The following EXD3 variants were observed in gnomAD, a reference collection of about 807,000 sequenced individuals.
EXD3 encodes exonuclease mut-7 homolog.
EXD3 carries 92 observed loss-of-function variants against 98.0 expected under a neutral mutation model. The observed-to-expected ratio is 0.94, with a 90% CI of 0.79 to 1.12. The LOEUF (loss-of-function observed/expected upper bound fraction) is 1.12. EXD3 is among the 50% of genes most tolerant of loss of function. The probability of loss-of-function intolerance (pLI) is 0.00; values close to 1 mark genes in which losing one functional copy is unlikely to be tolerated. For missense variants in EXD3, 1,222 were observed against 1,191.6 expected, an observed-to-expected ratio of 1.03 and a Z score of -0.38; for synonymous variants, 569 against 526.0, an observed-to-expected ratio of 1.08 and a Z score of -1.12.
rs920791880 is a variant in EXD3, at chr9:137,403,298, C to T, written c.-47-7894G>A. 3.9e-5 allele frequency among the ~76,000 whole-genome samples: 6 copies of T among 151,980 alleles called. No individual in the cohort carries two copies. Among genetic ancestry groups the T allele is most frequent in the Admixed American group, 6.6e-5 (1 of 15,246 alleles). On this transcript the variant is annotated intron_variant, in intron 1 of 21. Transcript: ENST00000340951. This position sits in a 1 kb window ranked among gnomAD's most constrained non-coding sequence, Gnocchi z 6.1. ...GCCCCAGAAGATGCAGACCCGAACG[C>T]GTCTCCTCCCGGCTGGTCTGTCCAG...
Position 137,330,001 on chromosome 9 carries a change from AG to A in EXD3, c.1999-5859del, listed in dbSNP as rs140030888. Among the ~76,000 whole-genome samples the A allele has an allele frequency of 3.2e-4, 20 of 62,772 alleles. 3 individuals are homozygous for A. Among genetic ancestry groups the A allele is most frequent in the African/African-American group, 1.2e-3 (16 of 13,400 alleles). The allele number at this position is 62,772 out of a possible 152,430, so 41.2% of individuals were successfully genotyped here. A position where few individuals can be genotyped will look rare whatever the true frequency, so the allele number is the denominator to read the frequency against. ...ACGGGACTACACAGGACTACACAGGAGCTACACAGGACTACACAGGACTACA... is the reference window on the plus strand; with the variant it reads ...ACGGGACTACACAGGACTACACAGGACTACACAGGACTACACAGGACTACA... On this transcript the variant is annotated intron_variant, in intron 17 of 21. Coordinates refer to ENST00000340951, the MANE Select transcript of EXD3 (RefSeq NM_017820.5).
At chr9:137,370,668 C>T (rs1005833476) in intron 5 of EXD3, among the ~76,000 whole-genome samples, 3 of 151,768 alleles carry the variant, frequency 2.0e-5, no homozygotes, top group South Asian at 2.1e-4. Context: ...GGGCATTCCC[C>T]GGCTCCCCTG....
intron 17 of EXD3, among the ~76,000 whole-genome samples, chr9:137,345,308 T>C (rs924520059): frequency 6.6e-6 from 1 of 152,250 alleles, no homozygotes; most frequent in Non-Finnish European, 1.5e-5. Flanking sequence ...ACTCAAGGTA[T>C]AATCCTTATA....
At chr9:137,313,981 C>T (rs1379215742) in intron 19 of EXD3, among the ~76,000 whole-genome samples, 3 of 152,264 alleles carry the variant, frequency 2.0e-5, no homozygotes, top group East Asian at 1.9e-4. Flanking sequence ...TGGCGGGGGT[C>T]GCCAGTGTGC....
chr9:137,351,678 G>A (rs1834314603), intron 12 of EXD3, 150 bp from the exon 13 acceptor site: 1 of 739,980 alleles, frequency 1.4e-6, no homozygotes, highest in Non-Finnish European at 2.2e-6. Flanking sequence ...GCTGTTGGGG[G>A]CACTAAGGCC....
At position 137,410,314 on chromosome 9, in the gene EXD3, G is replaced by A. The variant is rs541146314; in HGVS notation, c.-48+12800C>T. The stretch of plus-strand genomic sequence containing the variant: ...AGCCTGGCCAACATGGTGAAATCCC[G>A]TCTCTACTAAAAATACAAAAATTAG... On this transcript the variant is annotated intron_variant, in intron 1 of 21. Transcript: ENST00000340951. 3.2e-3 allele frequency among the ~76,000 whole-genome samples: 491 copies of A among 151,784 alleles called. 5 individuals carry two copies. Among genetic ancestry groups the A allele is most frequent in the African/African-American group, 0.011 (445 of 41,360 alleles).
At chr9:137,325,307 T>C (rs1832332919) in intron 17 of EXD3, among the ~76,000 whole-genome samples, 1 of 152,130 alleles carries the variant, frequency 6.6e-6, no homozygotes, top group Non-Finnish European at 1.5e-5. Context: ...AAGTGTCACA[T>C]CCAAGGACTC....
At chr9:137,319,905 G>A (rs1018015806) in intron 19 of EXD3, among the ~76,000 whole-genome samples, 12 of 152,168 alleles carry the variant, frequency 7.9e-5, no homozygotes, top group African/African-American at 2.9e-4. Flanking sequence ...ATCCTGCTAG[G>A]GCCCAGCAGG....
At chr9:137,333,536 C>T (rs530305802) in intron 17 of EXD3, among the ~76,000 whole-genome samples, 27 of 152,248 alleles carry the variant, frequency 1.8e-4, no homozygotes, top group African/African-American at 6.3e-4. Context: ...TGGGGCCTGG[C>T]CTGGAGGGAG....
chr9:137,311,844 C>T (rs963897957), intron 19 of EXD3, among the ~76,000 whole-genome samples: 4 of 152,190 alleles, frequency 2.6e-5, no homozygotes, highest in South Asian at 2.1e-4. Context: ...CTGCCCTGGG[C>T]GGGTGGCTGC....
chr9:137,418,043 TCTC>T (rs1838321019), intron 1 of EXD3, among the ~76,000 whole-genome samples: 1 of 151,926 alleles, frequency 6.6e-6, no homozygotes. Context: ...TGATGCCACT[TCTC>T]CTATTAATCT....
At chr9:137,373,785 CA>C (rs1564523931) in intron 3 of EXD3, among the ~76,000 whole-genome samples, 186 bp from the exon 4 acceptor site, 1 of 152,272 alleles carries the variant, frequency 6.6e-6, no homozygotes, top group African/African-American at 2.4e-5. Flanking sequence ...CCCAGGCCCC[CA>C]GGGGCGGTGG....
rs1427309989 is a variant in EXD3 at position 137,397,673 on chromosome 9, T to C, written c.-47-2269A>G. 2.0e-5 allele frequency among the ~76,000 whole-genome samples: 3 copies of C among 152,260 alleles called. No homozygotes were observed. In the East Asian group the frequency reaches 5.8e-4, roughly 29 times the overall value. On this transcript the variant is annotated intron_variant, in intron 1 of 21. Coordinates refer to ENST00000340951, the MANE Select transcript of EXD3 (RefSeq NM_017820.5). The stretch of plus-strand genomic sequence containing the variant: ...GCGTTCACAGAATGAACAGAAAACA[T>C]GTTCAAACAGTTCAAGGAGGCCGAG...
chr9:137,319,138 G>A (rs1019631889), intron 19 of EXD3, among the ~76,000 whole-genome samples: 1 of 152,264 alleles, frequency 6.6e-6, no homozygotes, highest in Non-Finnish European at 1.5e-5. Context: ...CCAGAGCCAG[G>A]CCCCGTGGGC....
chr9:137,395,448 A>C lies in EXD3; in HGVS notation c.-47-44T>G. 1 of 1,578,728 alleles carries C rather than the reference A, an allele frequency of 6.3e-7. No homozygotes were observed. The highest frequency in any genetic ancestry group is 8.7e-7 in the Non-Finnish European group (1 of 1,153,316). On this transcript the variant is annotated intron_variant, in intron 1 of 21. Transcript: ENST00000340951. The surrounding 1 kb of genome is among the most constrained non-coding windows in gnomAD (Gnocchi z 6.5). Reference sequence around the variant, plus strand: ...AGGTGAATGCAGAGCCCACTGCAACAGGCAGCCATGCAGAGCCCACGCCCA... The same window carrying C: ...AGGTGAATGCAGAGCCCACTGCAACCGGCAGCCATGCAGAGCCCACGCCCA...
At position 137,386,471 on chromosome 9, in the gene EXD3, GC is replaced by G. The variant is rs142490318; in HGVS notation, c.56-3095del. On this transcript the variant is annotated intron_variant, in intron 2 of 21. Coordinates refer to ENST00000340951, the MANE Select transcript of EXD3 (RefSeq NM_017820.5). ...TCTGCCCTCCAGGTGGGCAGGGTCT[GC>G]CCCCTCCCACCGACCTGGGCCACTC... Among the ~76,000 whole-genome samples the G allele has an allele frequency of 8.8e-4, 133 of 151,988 alleles. 3 individuals carry two copies. The East Asian group carries it at 0.021, about 24-fold the overall frequency.
Position 137,318,038 on chromosome 9 carries a change from G to A in EXD3, c.2184+5687C>T, listed in dbSNP as rs552782595. Among the ~76,000 whole-genome samples, 17 of 152,212 alleles carry A rather than the reference G, an allele frequency of 1.1e-4. No homozygotes were observed. The South Asian group carries it at 3.5e-3, about 32-fold the overall frequency. On this transcript the variant is annotated intron_variant, in intron 19 of 21. Coordinates refer to ENST00000340951, the MANE Select transcript of EXD3 (RefSeq NM_017820.5). ...CTGTCTGTCCCTCTGTCTATCAACT[G>A]AGCACAGAGAATGTAAGGGTCTCCA...
intron 6 of EXD3, chr9:137,367,641 C>G: frequency 2.7e-6 from 1 of 367,662 alleles, no homozygotes; most frequent in Non-Finnish European, 5.0e-6. Context: ...GTCCTCGAGG[C>G]AGCTGGTGCC....
At chr9:137,422,112 TAAAAAAAAAA>T (rs35073810) in intron 1 of EXD3, among the ~76,000 whole-genome samples, 2 of 119,504 alleles carry the variant, frequency 1.7e-5, no homozygotes, top group African/African-American at 6.2e-5. Flanking sequence ...GTGGTGTTCT[TAAAAAAAAAA>T]AAAAAAAAAA....
Sources: gnomAD v4.1 joint callset for allele counts (sites outside exome capture counted in the v4.1 genomes callset) on GRCh38, gnomAD v4.1.1 for gene constraint, Gnocchi (gnomAD v3.1) non-coding constraint, MANE v1.5 for transcripts, NCBI Gene and HGNC (gene_info 2026-07-23, HGNC 2026-07-21) for gene names.